The following FREM3 variants were observed in gnomAD, a reference collection of about 807,000 sequenced individuals.
The protein encoded by FREM3 is FRAS1-related extracellular matrix protein 3.
A neutral mutation model predicts 129.1 loss-of-function variants in FREM3; 105 were observed. The ratio of observed to expected loss-of-function variants is 0.81; its 90% CI spans 0.69 to 0.96. FREM3 has a LOEUF of 0.96. Ranked by LOEUF, FREM3 falls within the 40% of genes least tolerant of loss-of-function variation. The probability of loss-of-function intolerance (pLI) is 0.00; values close to 1 mark genes in which losing one functional copy is unlikely to be tolerated. For synonymous variants in FREM3, 1,014 were observed against 1,044.9 expected (o/e 0.97, Z 0.57); for missense variants, 2,593 against 2,666.3 (o/e 0.97, Z 0.61).
chr4:143,620,782 T>C (rs1441358570), intron 5 of FREM3, among the ~76,000 whole-genome samples: 1 of 152,246 alleles, frequency 6.6e-6, no homozygotes, highest in Non-Finnish European at 1.5e-5. Flanking sequence ...AGCCCCTTCG[T>C]GGGGTAGTTA....
chr4:143,668,264 G>C (rs907599764), intron 2 of FREM3, among the ~76,000 whole-genome samples: 1 of 152,152 alleles, frequency 6.6e-6, no homozygotes, highest in Non-Finnish European at 1.5e-5. Flanking sequence ...CAAATGAAGA[G>C]AAGGTGGAAG....
rs1740560867 is a variant in FREM3, at chr4:143,696,027, T to C, written c.4649A>G (p.Glu1550Gly). 2 of 1,537,738 alleles carry C rather than the reference T, an allele frequency of 1.3e-6. No individual in the cohort carries two copies. The highest frequency in any genetic ancestry group is 1.4e-5 in the African/African-American group (1 of 73,048). Residue 1550 changes from glutamate to glycine, a missense_variant, in exon 1 of 8, where the codon GAG becomes GGG. By Grantham distance (98) the Glu-to-Gly change is moderately conservative. This residue lies in a region of FREM3 where 2,276 missense variants were observed against 2,267.2 expected (regional missense o/e 1.00). Transcript: ENST00000329798. The stretch of plus-strand genomic sequence containing the variant: ...AAGGAGAGTGATCAGTTGGCTATCC[T>C]CTTTCTGTAGTGTTAGTCTATGGAT... ...LTIHRLTLQK[E>G]DSQLITLLEL...
Position 143,653,094 on chromosome 4 carries a change from A to G in FREM3, c.5276-25334T>C, listed in dbSNP as rs889641910. 4.6e-5 allele frequency among the ~76,000 whole-genome samples: 7 copies of G among 152,220 alleles called. No individual in the cohort carries two copies. The South Asian group carries it at 6.2e-4, about 14-fold the overall frequency. Reference sequence around the variant, plus strand: ...CAACACAAACACAAATGGCTCTGATATAATTATTAGAGAGTGGTTCCTATT... The same window carrying G: ...CAACACAAACACAAATGGCTCTGATGTAATTATTAGAGAGTGGTTCCTATT... On this transcript the variant is annotated intron_variant, in intron 2 of 7. Coordinates refer to ENST00000329798, the MANE Select transcript of FREM3 (RefSeq NM_001168235.2).
At chr4:143,598,600 A>G (rs1578828738) in intron 6 of FREM3, among the ~76,000 whole-genome samples, 1 of 146,404 alleles carries the variant, frequency 6.8e-6, no homozygotes, top group Non-Finnish European at 1.5e-5. Context: ...TCCCAGTTGT[A>G]TGTCACTGTG....
In FREM3 at chr4:143,697,344, C is replaced by CT. The variant is rs1192046338; in HGVS notation, c.3331dup (p.Ser1111LysfsTer24). On this transcript the variant is annotated frameshift_variant, in exon 1 of 8. Coordinates refer to ENST00000329798, the MANE Select transcript of FREM3 (RefSeq NM_001168235.2). LOFTEE classifies it high-confidence loss of function. ...TTCCAGGTAGCCAGAGGCTGGCTGA[C>CT]TAGTCACTGTGCAGAGGAGTTCATC... The CT allele has an allele frequency of 6.5e-7, 1 of 1,537,192 alleles. No individual in the cohort carries two copies. The highest frequency in any genetic ancestry group is 2.0e-5 in the Admixed American group (1 of 51,000).
intron 2 of FREM3, among the ~76,000 whole-genome samples, chr4:143,642,597 G>T (rs533627023): frequency 6.6e-6 from 1 of 152,060 alleles, no homozygotes; most frequent in East Asian, 1.9e-4. Flanking sequence ...AGAAGAATGA[G>T]GCTAGACCTC....
At chr4:143,694,518 C>G (rs1740530630) in intron 1 of FREM3, among the ~76,000 whole-genome samples, 1 of 151,912 alleles carries the variant, frequency 6.6e-6, no homozygotes, top group African/African-American at 2.4e-5. Context: ...AAACAATTTG[C>G]TTTCAGGGGT....
chr4:143,643,882 G>A lies in FREM3; in HGVS notation c.5276-16122C>T, dbSNP rs916763002. 9.9e-5 allele frequency among the ~76,000 whole-genome samples: 15 copies of A among 152,146 alleles called. No individual in the cohort carries two copies. The East Asian group carries it at 1.7e-3, about 18-fold the overall frequency. The stretch of plus-strand genomic sequence containing the variant: ...ATGGATACGGTAATTACCTTGATTC[G>A]ATCAGTATTTAACACATACATTATG... On this transcript the variant is annotated intron_variant, in intron 2 of 7. Transcript: ENST00000329798.
At position 143,699,883 on chromosome 4, in the gene FREM3, C is replaced by CGTA. The variant is rs1740660927; in HGVS notation, c.790_792dup (p.Tyr264dup). 2 of 1,536,730 alleles carry CGTA rather than the reference C, an allele frequency of 1.3e-6. No homozygotes were observed. Among genetic ancestry groups the CGTA allele is most frequent in the Non-Finnish European group, 1.7e-6 (2 of 1,146,860 alleles). ...CCCAGCAGCTCCACCATCATGGGCA[C>CGTA]GTAGTCACGGTTGGGCGAGGAGGTG... On this transcript the variant is annotated inframe_insertion, in exon 1 of 8. Coordinates refer to ENST00000329798, the MANE Select transcript of FREM3 (RefSeq NM_001168235.2). The surrounding 1 kb of genome is among the most constrained non-coding windows in gnomAD (Gnocchi z 4.2).
At chr4:143,607,354 A>G (rs1449804042) in intron 6 of FREM3, among the ~76,000 whole-genome samples, 1 of 152,062 alleles carries the variant, frequency 6.6e-6, no homozygotes, top group Non-Finnish European at 1.5e-5. Context: ...CACAGCACAA[A>G]TGGTACTTTT....
chr4:143,675,147 A>T (rs1002976790), intron 2 of FREM3, among the ~76,000 whole-genome samples: 6 of 152,116 alleles, frequency 3.9e-5, no homozygotes, highest in East Asian at 1.9e-4. Context: ...GAAGTAAAGC[A>T]CTCCTCAGCA....
intron 2 of FREM3, among the ~76,000 whole-genome samples, chr4:143,674,406 G>A (rs1740066378): frequency 1.3e-5 from 2 of 152,106 alleles, no homozygotes; most frequent in African/African-American, 2.4e-5. Context: ...AAACATGGAA[G>A]GGAACAACCG....
intron 2 of FREM3, among the ~76,000 whole-genome samples, chr4:143,632,967 T>G (rs1415657219): frequency 6.6e-6 from 1 of 152,184 alleles, no homozygotes; most frequent in East Asian, 1.9e-4. Flanking sequence ...TTTTGCAGCC[T>G]CTCTTACAGC....
intron 6 of FREM3, among the ~76,000 whole-genome samples, chr4:143,608,443 T>C (rs1738701696): frequency 6.6e-6 from 1 of 152,174 alleles, no homozygotes; most frequent in Admixed American, 6.5e-5. Flanking sequence ...ATCTGTTGGG[T>C]GCTTTATGCC....
chr4:143,687,283 C>T (rs13146607), intron 2 of FREM3, among the ~76,000 whole-genome samples: 37,332 of 151,960 alleles, frequency 0.25, 5,662 homozygotes, highest in South Asian at 0.33. Context: ...TACAAACCTC[C>T]TAGCTTAAAT....
chr4:143,685,427 C>G lies in FREM3; in HGVS notation c.5275+7686G>C, dbSNP rs536648920. On this transcript the variant is annotated intron_variant, in intron 2 of 7. Transcript: ENST00000329798. Reference sequence around the variant, plus strand: ...ATCATATATGAAGGAAAGACACAGTCTTTTTCAGATGAACAAGTGCTGAGG... The same window carrying G: ...ATCATATATGAAGGAAAGACACAGTGTTTTTCAGATGAACAAGTGCTGAGG... 7.2e-5 allele frequency among the ~76,000 whole-genome samples: 11 copies of G among 152,290 alleles called. No individual in the cohort carries two copies. In the South Asian group the frequency reaches 2.3e-3, roughly 32 times the overall value.
At chr4:143,584,529 A>G (rs1167659680) in intron 7 of FREM3, among the ~76,000 whole-genome samples, 2 of 152,258 alleles carry the variant, frequency 1.3e-5, no homozygotes, top group Non-Finnish European at 2.9e-5. Context: ...AAAAAAGACA[A>G]AGACAGGCAT....
chr4:143,680,192 G>T (rs537252014), intron 2 of FREM3, among the ~76,000 whole-genome samples: 113 of 150,672 alleles, frequency 7.5e-4, no homozygotes, highest in African/African-American at 2.7e-3. Flanking sequence ...TTAACATCTT[G>T]CTGTATACAT....
chr4:143,647,919 G>A (rs1467767554), intron 2 of FREM3, among the ~76,000 whole-genome samples: 1 of 152,140 alleles, frequency 6.6e-6, no homozygotes, highest in Non-Finnish European at 1.5e-5. Context: ...CAGAATGGTA[G>A]AACCATTAAC....
Sources: gnomAD v4.1 joint callset for allele counts (sites outside exome capture counted in the v4.1 genomes callset) on GRCh38, gnomAD v4.1.1 for gene constraint, gnomAD v4.1.1 regional missense constraint, Gnocchi (gnomAD v3.1) non-coding constraint, MANE v1.5 for transcripts, NCBI Gene and HGNC (gene_info 2026-07-23, HGNC 2026-07-21) for gene names.